KMT2A: variants seen among roughly 807,000 people sequenced by gnomAD.
KMT2A encodes lysine methyltransferase 2A.
KMT2A carries 16 observed loss-of-function variants against 345.3 expected under a neutral mutation model. The observed-to-expected ratio is 0.05, with a 90% confidence interval of 0.03 to 0.07. The LOEUF is 0.07. KMT2A is among the 10% of genes least tolerant of loss of function. The pLI is 1.00. For synonymous variants in KMT2A, 1,599 were observed against 1,778.6 expected (o/e 0.90, Z 2.54); for missense variants, 3,272 against 4,841.6 (o/e 0.68, Z 9.62).
Position 118,514,454 on chromosome 11 carries a change from T to C in KMT2A, c.11146+2429T>C, listed in dbSNP as rs1258834603. On this transcript the variant is annotated intron_variant, in intron 31 of 35. Coordinates refer to ENST00000534358, the MANE Select transcript of KMT2A (RefSeq NM_001197104.2). ...CATCCATGTGTCTTTTTTTTTTTTTTCTCCAAGACAGAGTCTTACTCTGTC... is the reference window on the plus strand; with the variant it reads ...CATCCATGTGTCTTTTTTTTTTTTTCCTCCAAGACAGAGTCTTACTCTGTC... 7.3e-5 allele frequency among the ~76,000 whole-genome samples: 11 copies of C among 151,316 alleles called. No individual in the cohort carries two copies. In the East Asian group the frequency reaches 1.6e-3, roughly 21 times the overall value.
intron 1 of KMT2A, among the ~76,000 whole-genome samples, chr11:118,457,871 A>G (rs145722521): frequency 1.5e-3 from 228 of 152,202 alleles, no homozygotes; most frequent in African/African-American, 4.8e-3. Context: ...AGCAGGCAAC[A>G]TACGATACTT....
intron 6 of KMT2A, 135 bp from the exon 7 acceptor site, chr11:118,481,578 CTT>C: frequency 1.1e-6 from 1 of 899,226 alleles, no homozygotes; most frequent in East Asian, 2.6e-5. Flanking sequence ...GCAGATATCT[CTT>C]TGATATACTG....
At chr11:118,455,960 A>AT (rs1305508934) in intron 1 of KMT2A, among the ~76,000 whole-genome samples, 1 of 152,104 alleles carries the variant, frequency 6.6e-6, no homozygotes, top group African/African-American at 2.4e-5. Flanking sequence ...AAGTGCTAGG[A>AT]TTACAGGCAT....
intron 28 of KMT2A, among the ~76,000 whole-genome samples, chr11:118,508,612 A>G (rs1425891357): frequency 1.3e-5 from 2 of 151,860 alleles, no homozygotes; most frequent in African/African-American, 4.8e-5. Flanking sequence ...GTGCACATCC[A>G]CAGTCCAAGC....
intron 1 of KMT2A, chr11:118,449,541 A>G (rs1345932358): frequency 6.7e-6 from 1 of 149,304 alleles, no homozygotes; most frequent in African/African-American, 2.5e-5. Context: ...AGCCATGATC[A>G]TGACACTGCA....
In KMT2A at chr11:118,474,238, C is replaced by T. The variant is rs782262729; in HGVS notation, c.3079C>T (p.Leu1027=). 10 of 1,613,984 alleles carry T rather than the reference C, an allele frequency of 6.2e-6. No individual in the cohort carries two copies. Among genetic ancestry groups the T allele is most frequent in the Non-Finnish European group, 8.5e-6 (10 of 1,180,036 alleles). Residue 1027 remains leucine, a synonymous_variant, in exon 3 of 36, where the codon CTA becomes TTA. Transcript: ENST00000534358. The part of the protein sequence containing the change: ...PMTDKRVASL[L]KKAKAQLCKI... ...GACTGACAAGAGGGTTGCCAGCCTC[C>T]TAAAAAAGGCCAAAGCTCAGCTCTG...
At chr11:118,447,364 T>C (rs1949444115) in intron 1 of KMT2A, among the ~76,000 whole-genome samples, 1 of 152,170 alleles carries the variant, frequency 6.6e-6, no homozygotes, top group Non-Finnish European at 1.5e-5. Context: ...CATACAACTT[T>C]TAGGAATACT....
intron 31 of KMT2A, among the ~76,000 whole-genome samples, chr11:118,518,718 G>A (rs1325615861): frequency 1.4e-5 from 2 of 147,492 alleles, no homozygotes; most frequent in African/African-American, 2.5e-5. Context: ...AGGAGGTGGA[G>A]TTGTAGCGAG....
rs782046765 is a variant in KMT2A at position 118,484,882 on chromosome 11, T to C, written c.4239T>C (p.Asn1413=). The change falls in exon 10 of 36, where the codon AAT becomes AAC. Residue 1413 remains asparagine, a synonymous_variant. Coordinates refer to ENST00000534358, the MANE Select transcript of KMT2A (RefSeq NM_001197104.2). This position sits in a 1 kb window ranked among gnomAD's most constrained non-coding sequence, Gnocchi z 4.1. The stretch of plus-strand genomic sequence containing the variant: ...CACAGGAGGATTGTGAAGCAGAAAA[T>C]GTGTGGGAGATGGGAGGCTTAGGAA... ...VDFKEDCEAE[N]VWEMGGLGIL... 2.5e-6 allele frequency: 4 copies of C among 1,613,788 alleles called. No individual in the cohort carries two copies. The highest frequency in any genetic ancestry group is 1.7e-6 in the Non-Finnish European group (2 of 1,179,750).
chr11:118,469,183 GC>G (rs1949902891), intron 2 of KMT2A, among the ~76,000 whole-genome samples: 1 of 132,752 alleles, frequency 7.5e-6, no homozygotes, highest in African/African-American at 2.9e-5. Context: ...TATCTATCAG[GC>G]CACATTGGGT....
At position 118,509,977 on chromosome 11, in the gene KMT2A, A is replaced by G. The variant is rs1375621489; in HGVS notation, c.10930A>G (p.Asn3644Asp). ...TAAAACAGTGGAAGAAGAGGAAAGT[A>G]ATTTCAGCTCCCCACTGATGCTTTG... is the stretch of plus-strand genomic sequence containing the variant. ...EPKTVEEEES[N>D]FSSPLMLWLQ... The change falls in exon 30 of 36, where the codon AAT becomes GAT. Residue 3644 changes from asparagine to aspartate, a missense_variant. By Grantham distance (23) the Asn-to-Asp change is conservative. Transcript: ENST00000534358. 6.2e-7 allele frequency: 1 copy of G among 1,611,250 alleles called. No homozygotes were observed. Among genetic ancestry groups the G allele is most frequent in the East Asian group, 2.2e-5 (1 of 44,850 alleles).
chr11:118,519,167 G>C (rs1256154066), intron 31 of KMT2A, among the ~76,000 whole-genome samples: 1 of 150,862 alleles, frequency 6.6e-6, no homozygotes, highest in African/African-American at 2.4e-5. Flanking sequence ...TCCATTCCTA[G>C]ATGGATTATA....
intron 30 of KMT2A, among the ~76,000 whole-genome samples, chr11:118,511,705 G>A (rs1950691317): frequency 6.6e-6 from 1 of 152,194 alleles, no homozygotes; most frequent in South Asian, 2.1e-4. Context: ...ATTTCAGAAG[G>A]TCTGACTTTC....
chr11:118,477,109 T>A, intron 4 of KMT2A, 127 bp downstream of exon 4: 2 of 847,364 alleles, frequency 2.4e-6, no homozygotes, highest in Non-Finnish European at 3.8e-6. Flanking sequence ...AAGAGGGGAT[T>A]AAATACATGA....
chr11:118,515,953 G>A (rs533235014), intron 31 of KMT2A, among the ~76,000 whole-genome samples: 7 of 152,114 alleles, frequency 4.6e-5, no homozygotes, highest in South Asian at 2.1e-4. Context: ...CTCCCAAAGC[G>A]CTGAGAGTAC....
At position 118,520,478 on chromosome 11, in the gene KMT2A, C is replaced by A; in HGVS notation, c.11430-324C>A. ...CCAGCCTGACCAACATAGTGAAACC[C>A]TATCTCTACTAAAAATACAAAAATT... is the stretch of plus-strand genomic sequence containing the variant. On this transcript the variant is annotated intron_variant, in intron 33 of 35. Transcript: ENST00000534358. This position sits in a 1 kb window ranked among gnomAD's most constrained non-coding sequence, Gnocchi z 4.3. 1 of 356,132 alleles carries A rather than the reference C, an allele frequency of 2.8e-6. No homozygotes were observed. The highest frequency in any genetic ancestry group is 5.2e-6 in the Non-Finnish European group (1 of 192,972). 22.1% of individuals were successfully genotyped at this position (356,132 alleles called of 1,614,324 possible). A position where few individuals can be genotyped will look rare whatever the true frequency, so the allele number is the denominator to read the frequency against.
Position 118,496,397 on chromosome 11 carries a change from T to G in KMT2A, c.5664+30T>G. The stretch of plus-strand genomic sequence containing the variant: ...GTACTTTGCAACACAGGGCCCTAGT[T>G]AATACATACTCCAAAAGAACTGTTT... On this transcript the variant is annotated intron_variant, in intron 20 of 35. Coordinates refer to ENST00000534358, the MANE Select transcript of KMT2A (RefSeq NM_001197104.2). The surrounding 1 kb of genome is among the most constrained non-coding windows in gnomAD (Gnocchi z 4.7). 1 of 1,421,518 alleles carries G rather than the reference T, an allele frequency of 7.0e-7. No homozygotes were observed. The highest frequency in any genetic ancestry group is 1.0e-6 in the Non-Finnish European group (1 of 1,004,930). 88.1% of individuals were successfully genotyped at this position (1,421,518 alleles called of 1,614,324 possible).
chr11:118,473,349 A>C lies in KMT2A; in HGVS notation c.2190A>C (p.Gly730=). The part of the protein sequence containing the change: ...NRTSAGTSSS[G]VSNRKRKRKV... ...CTTCTGCTGGAACATCTTCTTCAGGAGTATCCAATAGAAAAAGGAAAAGAA... is the reference window on the plus strand; with the variant it reads ...CTTCTGCTGGAACATCTTCTTCAGGCGTATCCAATAGAAAAAGGAAAAGAA... The change falls in exon 3 of 36, where the codon GGA becomes GGC. Residue 730 remains glycine, a synonymous_variant. Coordinates refer to ENST00000534358, the MANE Select transcript of KMT2A (RefSeq NM_001197104.2). This position sits in a 1 kb window ranked among gnomAD's most constrained non-coding sequence, Gnocchi z 5.2. The C allele has an allele frequency of 6.2e-7, 1 of 1,614,066 alleles. No individual in the cohort carries two copies. The highest frequency in any genetic ancestry group is 1.1e-5 in the South Asian group (1 of 91,078).
In KMT2A at chr11:118,497,496, A is replaced by G. The variant is rs1164639563; in HGVS notation, c.5665-440A>G. On this transcript the variant is annotated intron_variant, in intron 20 of 35. Transcript: ENST00000534358. This position sits in a 1 kb window ranked among gnomAD's most constrained non-coding sequence, Gnocchi z 4.8. ...CTGCAATCTCGGCTTCCGGGGCTCA[A>G]GTGATCCTCCTACCTCAGCCTCCTG... 1.3e-5 allele frequency among the ~76,000 whole-genome samples: 2 copies of G among 152,088 alleles called. No homozygotes were observed. The highest frequency in any genetic ancestry group is 2.9e-5 in the Non-Finnish European group (2 of 68,002).
Sources: gnomAD v4.1 joint callset for allele counts (sites outside exome capture counted in the v4.1 genomes callset) on GRCh38, gnomAD v4.1.1 for gene constraint, Gnocchi (gnomAD v3.1) non-coding constraint, MANE v1.5 for transcripts, NCBI Gene and HGNC (gene_info 2026-07-23, HGNC 2026-07-21) for gene names.